The following ATP13A3 variants were observed in gnomAD, a reference collection of about 807,000 sequenced individuals.
ATP13A3 encodes the protein ATPase 13A3, also known as polyamine-transporting ATPase 13A3.
ATP13A3 carries 59 observed loss-of-function variants against 158.1 expected under a neutral mutation model. The ratio of observed to expected loss-of-function variants is 0.37; its 90% CI spans 0.30 to 0.46. The LOEUF (loss-of-function observed/expected upper bound fraction) is 0.46, where lower values mean the gene tolerates loss of function less well. Ranked by LOEUF, ATP13A3 falls within the 20% of genes least tolerant of loss-of-function variation. The probability of loss-of-function intolerance (pLI) is 1.00; values close to 1 mark genes in which losing one functional copy is unlikely to be tolerated. For synonymous variants in ATP13A3, 491 were observed against 504.3 expected, an observed-to-expected ratio of 0.97 and a Z score of 0.35; for missense variants, 1,166 against 1,525.2, an observed-to-expected ratio of 0.76 and a Z score of 3.92.
intron 2 of ATP13A3, among the ~76,000 whole-genome samples, chr3:194,471,509 A>G (rs1720306194): frequency 6.6e-6 from 1 of 151,968 alleles, no homozygotes; most frequent in Admixed American, 6.6e-5. Context: ...GTGTACCATC[A>G]CGCCCAGCAA....
rs1719594544 is a variant in ATP13A3, at chr3:194,460,753, G to A, written c.130C>T (p.Leu44Phe). Residue 44 changes from leucine to phenylalanine, a missense_variant, in exon 4 of 34, where the codon CTC (leucine) becomes TTC (phenylalanine). Coordinates refer to ENST00000645319, the MANE Select transcript of ATP13A3 (RefSeq NM_001367549.1). ...LGVICSGGFL[L>F]LLLYWMPEWR... The stretch of plus-strand genomic sequence containing the variant: ...TCAGGCATCCAATAGAGGAGGAGGA[G>A]GAGAAACCCACCAGAGCAAATCACT... The A allele has an allele frequency of 2.5e-6, 4 of 1,614,008 alleles. No homozygotes were observed. The highest frequency in any genetic ancestry group is 1.3e-5 in the African/African-American group (1 of 74,906).
intron 32 of ATP13A3, 79 bp downstream of exon 32, chr3:194,413,680 C>A: frequency 2.5e-6 from 3 of 1,220,152 alleles, no homozygotes; most frequent in Non-Finnish European, 3.6e-6. Flanking sequence ...ATATTACCTG[C>A]CCTCTTCTCC....
chr3:194,430,463 C>G, intron 24 of ATP13A3, 148 bp from the exon 25 acceptor site: 1 of 893,214 alleles, frequency 1.1e-6, no homozygotes, highest in Non-Finnish European at 1.7e-6. Flanking sequence ...CTATAATGAA[C>G]ACAGGTGTGC....
rs1198761876 is a variant in ATP13A3 at position 194,425,322 on chromosome 3, A to G, written c.3313+20T>C. 1.2e-6 allele frequency: 2 copies of G among 1,602,170 alleles called. No individual in the cohort carries two copies. Among genetic ancestry groups the G allele is most frequent in the Non-Finnish European group, 1.7e-6 (2 of 1,171,942 alleles). On this transcript the variant is annotated intron_variant, in intron 30 of 33. Coordinates refer to ENST00000645319, the MANE Select transcript of ATP13A3 (RefSeq NM_001367549.1). ...TAAAGGGGCAAGCAGGGTGGAAATC[A>G]CAATAAATGCCAAACTTACAATTTT...
chr3:194,452,927 C>A (rs1276912365), intron 10 of ATP13A3: 1 of 152,096 alleles, frequency 6.6e-6, no homozygotes, highest in Non-Finnish European at 1.5e-5. Flanking sequence ...TAGCATAGTG[C>A]CTGCTACATA....
chr3:194,425,645 T>G (rs1011198992), intron 29 of ATP13A3, 116 bp from the exon 30 acceptor site: 32 of 808,698 alleles, frequency 4.0e-5, no homozygotes, highest in Non-Finnish European at 5.9e-5. Flanking sequence ...AATATGATAT[T>G]TACAGCAAAA....
In ATP13A3 at chr3:194,431,830, T is replaced by C. The variant is rs1717245252; in HGVS notation, c.2308A>G (p.Lys770Glu). 1.2e-6 allele frequency: 2 copies of C among 1,612,840 alleles called. No homozygotes were observed. Among genetic ancestry groups the C allele is most frequent in the African/African-American group, 1.3e-5 (1 of 74,868 alleles). Residue 770 changes from lysine to glutamate, a missense_variant, in exon 22 of 34, where the codon AAA (lysine) becomes GAA (glutamate). Transcript: ENST00000645319. The part of the protein sequence containing the change: ...RDCGMILPQD[K>E]VIIAEALPPK... ...GGTAATGCTTCAGCAATAATCACTT[T>C]ATCCTGAGGTAGAATCATTCCACAA...
chr3:194,471,985 TA>T, intron 2 of ATP13A3: 1 of 151,694 alleles, frequency 6.6e-6, no homozygotes, highest in Non-Finnish European at 1.5e-5. Flanking sequence ...AGATTCAGAG[TA>T]AAAAAGTATG....
chr3:194,429,125 T>C (rs1465774678), intron 27 of ATP13A3, among the ~76,000 whole-genome samples: 1 of 152,012 alleles, frequency 6.6e-6, no homozygotes, highest in Non-Finnish European at 1.5e-5. Context: ...ATAAAAGGCA[T>C]CTCCTTAAAA....
intron 2 of ATP13A3, among the ~76,000 whole-genome samples, chr3:194,481,087 G>C (rs1720730109): frequency 6.6e-6 from 1 of 152,112 alleles, no homozygotes; most frequent in South Asian, 2.1e-4. Context: ...TGAGAATTTA[G>C]GCCCAAAGGC....
chr3:194,487,090 CG>C (rs1217819770), upstream of ATP13A3: 1 of 139,390 alleles, frequency 7.2e-6, no homozygotes, highest in Non-Finnish European at 1.6e-5. Flanking sequence ...GGGGAAGGGG[CG>C]GGGAGGGGCG....
At chr3:194,410,868 A>G (rs188555291) in intron 33 of ATP13A3, among the ~76,000 whole-genome samples, 31 of 149,606 alleles carry the variant, frequency 2.1e-4, no homozygotes, top group South Asian at 1.7e-3. Context: ...TACATAAGCC[A>G]AAGATAACCT....
chr3:194,428,397 T>A (rs11925316), intron 28 of ATP13A3, among the ~76,000 whole-genome samples: 203 of 152,240 alleles, frequency 1.3e-3, no homozygotes, highest in African/African-American at 4.6e-3. Flanking sequence ...CAAAGGAGCA[T>A]CTGGCAATGT....
chr3:194,432,556 C>CAT (rs1717303623), intron 21 of ATP13A3, among the ~76,000 whole-genome samples: 1 of 152,028 alleles, frequency 6.6e-6, no homozygotes, highest in African/African-American at 2.4e-5. Flanking sequence ...TACACAAAGC[C>CAT]ATATTCTGGC....
rs1379944218 is a variant in ATP13A3, at chr3:194,427,089, C to T, written c.3111G>A (p.Trp1037Ter). 1.2e-6 allele frequency: 2 copies of T among 1,612,634 alleles called. No individual in the cohort carries two copies. The highest frequency in any genetic ancestry group is 8.5e-7 in the Non-Finnish European group (1 of 1,179,652). Residue 1037 changes from tryptophan to a stop codon, truncating the protein, a stop_gained, in exon 29 of 34, where the codon TGG (tryptophan) becomes TGA (stop). Coordinates refer to ENST00000645319, the MANE Select transcript of ATP13A3 (RefSeq NM_001367549.1). LOFTEE classifies it high-confidence loss of function. ...WVKQQPWYEV[W>*]HPKSDACNTT... ...GACCAACTTACTCTGATTTTGGATG[C>T]CACACTTCATACCAAGGTTGCTGTT...
rs748793056 is a variant in ATP13A3 at position 194,406,067 on chromosome 3, C to T, written c.3623G>A (p.Cys1208Tyr). 1.9e-6 allele frequency: 3 copies of T among 1,614,076 alleles called. No homozygotes were observed. The highest frequency in any genetic ancestry group is 2.2e-5 in the East Asian group (1 of 44,896). The change falls in exon 34 of 34, where the codon TGT becomes TAT. Residue 1208 changes from cysteine to tyrosine, a missense_variant. This residue lies in a region of ATP13A3 where 997 missense variants were observed against 1,341.2 expected (regional missense o/e 0.74). Coordinates refer to ENST00000645319, the MANE Select transcript of ATP13A3 (RefSeq NM_001367549.1). ...GKCCLPWALGCRKKTPKAKYM... is the reference protein window; with the variant it reads ...GKCCLPWALGYRKKTPKAKYM... ...CTTTGCCTTTGGTGTCTTCTTTCTACAGCCCAGGGCCCAGGGTAAGCAGCA... is the reference window on the plus strand; with the variant it reads ...CTTTGCCTTTGGTGTCTTCTTTCTATAGCCCAGGGCCCAGGGTAAGCAGCA...
At chr3:194,461,235 T>C (rs2108974467) in intron 3 of ATP13A3, among the ~76,000 whole-genome samples, 1 of 152,308 alleles carries the variant, frequency 6.6e-6, no homozygotes, top group East Asian at 1.9e-4. Flanking sequence ...ATTTTAGATT[T>C]ATAGAAAAGT....
chr3:194,454,603 C>T (rs1027603967), intron 8 of ATP13A3, among the ~76,000 whole-genome samples: 20 of 148,612 alleles, frequency 1.3e-4, no homozygotes, highest in Admixed American at 3.4e-4. Flanking sequence ...CCAAGGCGGG[C>T]GGATCATGAG....
At position 194,430,140 on chromosome 3, in the gene ATP13A3, G is replaced by C; in HGVS notation, c.2709C>G (p.Leu903=). ...TAAAGGGAGATGCCACTGAAGCTTC[G>C]AGCTCCGATAAGGAAATGCCTCCGT... The part of the protein sequence containing the change: ...RAHGGISLSE[L]EASVASPFTS... Residue 903 remains leucine, a synonymous_variant, in exon 26 of 34, where the codon CTC becomes CTG. Transcript: ENST00000645319. 3 of 1,614,048 alleles carry C rather than the reference G, an allele frequency of 1.9e-6. No homozygotes were observed. Among genetic ancestry groups the C allele is most frequent in the Middle Eastern group, 1.6e-4 (1 of 6,062 alleles).
Sources: gnomAD v4.1 joint callset for allele counts (sites outside exome capture counted in the v4.1 genomes callset) on GRCh38, gnomAD v4.1.1 for gene constraint, gnomAD v4.1.1 regional missense constraint, MANE v1.5 for transcripts, NCBI Gene and HGNC (gene_info 2026-07-23, HGNC 2026-07-21) for gene names.